Variants in RBFOX1 observed in about 807,000 individuals in gnomAD.
RBFOX1 encodes RNA binding protein fox-1 homolog 1.
RBFOX1 carries 8 observed loss-of-function variants against 57.7 expected under a neutral mutation model. That is an observed-to-expected ratio of 0.14 (90% CI 0.08 to 0.25). The LOEUF is 0.25. RBFOX1 is among the 10% of genes least tolerant of loss of function. The pLI is 1.00. For synonymous variants in RBFOX1, 326 were observed against 222.4 expected, an observed-to-expected ratio of 1.47 and a Z score of -4.15; for missense variants, 611 against 548.5, an observed-to-expected ratio of 1.11 and a Z score of -1.14.
rs545557233 is a variant in RBFOX1 at position 6,871,286 on chromosome 16, A to C, written c.-15-180771A>C. 2.6e-5 allele frequency among the ~76,000 whole-genome samples: 4 copies of C among 152,202 alleles called. No homozygotes were observed. The South Asian group carries it at 6.2e-4, about 24-fold the overall frequency. On this transcript the variant is annotated intron_variant, in intron 3 of 15. Transcript: ENST00000550418. Reference sequence around the variant, plus strand: ...CTCTAACCTCCCCCTCCTGGGTTAAAGTGATTTTCCTGCATCAACTTCCTG... The same window carrying C: ...CTCTAACCTCCCCCTCCTGGGTTAACGTGATTTTCCTGCATCAACTTCCTG...
At chr16:5,843,568 C>T (rs889967970) in intron 3 of RBFOX1, among the ~76,000 whole-genome samples, 2 of 152,056 alleles carry the variant, frequency 1.3e-5, no homozygotes, top group Non-Finnish European at 2.9e-5. Context: ...GCATTTAGGT[C>T]GATTTCATGT....
intron 4 of RBFOX1, among the ~76,000 whole-genome samples, chr16:7,198,982 C>A (rs1438622757): frequency 6.6e-6 from 1 of 152,086 alleles, no homozygotes; most frequent in Non-Finnish European, 1.5e-5. Flanking sequence ...GAAATGGTGT[C>A]CATCTGGGAA....
chr16:5,531,380 A>G (rs1195896401), intron 2 of RBFOX1, among the ~76,000 whole-genome samples: 2 of 152,126 alleles, frequency 1.3e-5, no homozygotes, highest in Non-Finnish European at 2.9e-5. Flanking sequence ...CCATGTTGTT[A>G]CCGATCTTTA....
chr16:5,917,982 C>T (rs2058745286), intron 4 of RBFOX1, among the ~76,000 whole-genome samples: 1 of 152,128 alleles, frequency 6.6e-6, no homozygotes, highest in Non-Finnish European at 1.5e-5. Flanking sequence ...TATGCTCTCC[C>T]CACCTCTCAG....
rs947676872 is a variant in RBFOX1 at position 7,711,331 on chromosome 16, G to A, written c.*586G>A. 6.6e-6 allele frequency: 1 copy of A among 152,522 alleles called. No homozygotes were observed. The highest frequency in any genetic ancestry group is 1.9e-4 in the East Asian group (1 of 5,186). The allele number at this position is 152,522 out of a possible 1,614,324, so 9.4% of individuals were successfully genotyped here. A position where few individuals can be genotyped will look rare whatever the true frequency, so the allele number is the denominator to read the frequency against. On this transcript the variant is annotated 3_prime_UTR_variant, in exon 16 of 16. Coordinates refer to ENST00000550418, the MANE Select transcript of RBFOX1 (RefSeq NM_018723.4). Reference sequence around the variant, plus strand: ...ATTGCCAGTTCAAGCCAAAGGTCATGTTGTTAAGGGGGTGCTTCTAGTAGC... The same window carrying A: ...ATTGCCAGTTCAAGCCAAAGGTCATATTGTTAAGGGGGTGCTTCTAGTAGC...
chr16:6,898,147 A>G (rs562611100), intron 3 of RBFOX1, among the ~76,000 whole-genome samples: 2 of 152,216 alleles, frequency 1.3e-5, no homozygotes, highest in African/African-American at 4.8e-5. Flanking sequence ...TTGCCAAATC[A>G]TGCATCATAA....
Position 6,183,524 on chromosome 16 carries a change from A to AAATAAATG in RBFOX1, c.-126-133468_-126-133467insAAATGAAT, listed in dbSNP as rs1306043659. 1.2e-3 allele frequency among the ~76,000 whole-genome samples: 176 copies of AAATAAATG among 150,490 alleles called. 2 individuals are homozygous for AAATAAATG. In the East Asian group the frequency reaches 0.022, roughly 18 times the overall value. On this transcript the variant is annotated intron_variant, in intron 1 of 15. Coordinates refer to ENST00000550418, the MANE Select transcript of RBFOX1 (RefSeq NM_018723.4). ...TAAATAAATAAATAAATAAATAAAT[A>AAATAAATG]AATGTAAGGAGAATAGGATATGTTC...
At chr16:7,478,126 A>C (rs1287573701) in intron 4 of RBFOX1, among the ~76,000 whole-genome samples, 5 of 152,208 alleles carry the variant, frequency 3.3e-5, no homozygotes, top group Admixed American at 6.5e-5. Flanking sequence ...ATATGTTTTT[A>C]AATAATCAGA....
intron 2 of RBFOX1, among the ~76,000 whole-genome samples, chr16:6,491,038 C>A (rs563612615): frequency 1.3e-5 from 2 of 152,018 alleles, no homozygotes; most frequent in Non-Finnish European, 1.5e-5. Context: ...ATAACCAAGA[C>A]TACCCAGTAA....
chr16:7,208,615 T>C (rs1488484872), intron 4 of RBFOX1, among the ~76,000 whole-genome samples: 2 of 152,048 alleles, frequency 1.3e-5, no homozygotes. Flanking sequence ...GTGGGAAGTT[T>C]GCTTCAGGGT....
chr16:5,355,400 T>C (rs1416920002), intron 1 of RBFOX1, among the ~76,000 whole-genome samples: 4 of 152,172 alleles, frequency 2.6e-5, no homozygotes, highest in African/African-American at 9.7e-5. Flanking sequence ...TCTGTCTGCA[T>C]CGTGAAGCCT....
intron 4 of RBFOX1, among the ~76,000 whole-genome samples, chr16:7,454,293 G>A (rs1290127189): frequency 6.6e-6 from 1 of 152,198 alleles, no homozygotes; most frequent in Admixed American, 6.5e-5. Context: ...AGGAAGCAAG[G>A]AAGATGCCCA....
At chr16:6,647,191 G>GAA (rs1019888539) in intron 2 of RBFOX1, among the ~76,000 whole-genome samples, 1 of 152,118 alleles carries the variant, frequency 6.6e-6, no homozygotes, top group African/African-American at 2.4e-5. Context: ...GAGAGAGAGA[G>GAA]AAAATGAGTG....
intron 7 of RBFOX1, among the ~76,000 whole-genome samples, chr16:7,592,617 G>A (rs769781181): frequency 3.9e-5 from 6 of 152,184 alleles, no homozygotes; most frequent in East Asian, 1.9e-4. Flanking sequence ...CAAAGCCCTC[G>A]TTTCTCTGAT....
At chr16:6,319,028 G>A (rs931254521) in intron 2 of RBFOX1, among the ~76,000 whole-genome samples, 1 of 152,004 alleles carries the variant, frequency 6.6e-6, no homozygotes, top group Non-Finnish European at 1.5e-5. Context: ...TTATCAGGAA[G>A]GCAGATGATT....
chr16:7,500,031 A>G (rs1254702175), intron 4 of RBFOX1, among the ~76,000 whole-genome samples: 1 of 152,134 alleles, frequency 6.6e-6, no homozygotes, highest in Non-Finnish European at 1.5e-5. Context: ...TTCTTCCTCA[A>G]GTCAGCCAGG....
chr16:6,607,420 C>CTT (rs1304363077), intron 2 of RBFOX1, among the ~76,000 whole-genome samples: 1 of 125,486 alleles, frequency 8.0e-6, no homozygotes, highest in Non-Finnish European at 1.5e-5. Context: ...TCTCTCTCCT[C>CTT]TCTCTCTCTC....
Position 6,768,419 on chromosome 16 carries a change from A to C in RBFOX1, c.-16+113769A>C, listed in dbSNP as rs117640080. On this transcript the variant is annotated intron_variant, in intron 3 of 15. Transcript: ENST00000550418. ...CAAATATAATTGCTCCAAGCAAATC[A>C]AACATATAAGAGTGCAGAGAGAGAG... Among the ~76,000 whole-genome samples, 865 of 152,200 alleles carry C rather than the reference A, an allele frequency of 5.7e-3. 9 individuals are homozygous for C. Among genetic ancestry groups the C allele is most frequent in the Non-Finnish European group, 7.3e-3 (498 of 68,016 alleles).
chr16:5,538,216 A>G (rs980343638), intron 2 of RBFOX1, among the ~76,000 whole-genome samples: 3 of 152,212 alleles, frequency 2.0e-5, no homozygotes, highest in African/African-American at 7.2e-5. Flanking sequence ...TTGTCAGATC[A>G]ATATGGATTC....
Sources: gnomAD v4.1 joint callset for allele counts (sites outside exome capture counted in the v4.1 genomes callset) on GRCh38, gnomAD v4.1.1 for gene constraint, MANE v1.5 for transcripts, NCBI Gene and HGNC (gene_info 2026-07-23, HGNC 2026-07-21) for gene names.